Variants in SLC28A1 observed in about 807,000 individuals in gnomAD.
The protein encoded by SLC28A1 is sodium/nucleoside cotransporter 1.
Under a neutral mutation model 74.8 loss-of-function variants are expected in SLC28A1, and 64 were observed. The observed-to-expected ratio is 0.86, with a 90% CI of 0.70 to 1.05. The LOEUF (loss-of-function observed/expected upper bound fraction) is 1.05. Among genes scored for constraint, SLC28A1 ranks in the 50% least tolerant of loss-of-function variants. The pLI is 0.00. For missense variants in SLC28A1, 828 were observed against 822.8 expected, an observed-to-expected ratio of 1.01 and a Z score of -0.08; for synonymous variants, 359 against 335.0, an observed-to-expected ratio of 1.07 and a Z score of -0.78.
rs115647635 is a variant in SLC28A1 at position 84,945,168 on chromosome 15, C to G, written c.1918C>G (p.Arg640Gly). 2 of 1,614,048 alleles carry G rather than the reference C, an allele frequency of 1.2e-6. No individual in the cohort carries two copies. Among genetic ancestry groups the G allele is most frequent in the Admixed American group, 3.3e-5 (2 of 60,020 alleles). The change falls in exon 19 of 19, where the codon CGG becomes GGG. Residue 640 changes from arginine to glycine, a missense_variant. Physicochemically the swap from Arg to Gly is moderately radical, Grantham distance 125. Around this residue, in one of 3 missense-constraint regions of SLC28A1, gnomAD observed 53 missense variants for 44.5 expected, o/e 1.19. Coordinates refer to ENST00000394573, the MANE Select transcript of SLC28A1 (RefSeq NM_004213.5). ...FSPEALDNCC[R>G]FYNHTICAQ ...CCCAGAGGCCCTGGACAACTGCTGT[C>G]GGTTTTACAACCACACGATCTGTGC...
At chr15:84,912,536 C>T (rs900316456) in intron 9 of SLC28A1, among the ~76,000 whole-genome samples, 2 of 152,046 alleles carry the variant, frequency 1.3e-5, no homozygotes, top group Admixed American at 1.3e-4. Context: ...TTAGTCATTC[C>T]ACCTTGGCTC....
intron 9 of SLC28A1, among the ~76,000 whole-genome samples, chr15:84,918,108 T>A (rs187867392): frequency 2.0e-5 from 3 of 151,856 alleles, no homozygotes; most frequent in Non-Finnish European, 4.4e-5. Context: ...AAGGCCAGAG[T>A]CTGAGGCCAA....
intron 15 of SLC28A1, 41 bp from the exon 16 acceptor site, chr15:84,943,404 T>A: frequency 6.8e-7 from 1 of 1,466,472 alleles, no homozygotes. Flanking sequence ...CCCAGGCCCA[T>A]CTGAGGGGAG....
At chr15:84,924,401 G>A (rs1970235748) in intron 12 of SLC28A1, among the ~76,000 whole-genome samples, 1 of 152,038 alleles carries the variant, frequency 6.6e-6, no homozygotes, top group Non-Finnish European at 1.5e-5. Context: ...AGAAAATTGA[G>A]GCTCCAGAGT....
the SLC28A1 span, among the ~76,000 whole-genome samples, chr15:84,951,694 C>T: frequency 6.6e-6 from 1 of 152,122 alleles, no homozygotes; most frequent in South Asian, 2.1e-4. Context: ...CCCATCATCC[C>T]TGCCTGGCAC....
At chr15:84,931,489 A>T (rs1328486191) in intron 12 of SLC28A1, among the ~76,000 whole-genome samples, 3 of 108,944 alleles carry the variant, frequency 2.8e-5, no homozygotes, top group African/African-American at 1.1e-4. Flanking sequence ...TACTGAAAAT[A>T]CAAAAAAAAA....
At chr15:84,895,223 T>A in intron 6 of SLC28A1, 100 bp downstream of exon 6, 1 of 1,580,054 alleles carries the variant, frequency 6.3e-7, no homozygotes, top group Non-Finnish European at 8.7e-7. Flanking sequence ...AGGAAGGCTC[T>A]GTGTCATGGA....
chr15:84,895,201 G>A, intron 6 of SLC28A1, 78 bp downstream of exon 6: 1 of 1,588,324 alleles, frequency 6.3e-7, no homozygotes, highest in Non-Finnish European at 8.6e-7. Context: ...TTATGGCCAG[G>A]GCTGGAGGAG....
chr15:84,960,759 C>T, the SLC28A1 span, among the ~76,000 whole-genome samples: 1 of 152,364 alleles, frequency 6.6e-6, no homozygotes, highest in African/African-American at 2.4e-5. Context: ...CACAGTTCAG[C>T]TTTATCAGCT....
At chr15:84,895,156 G>A (rs1228521614) in intron 6 of SLC28A1, 33 bp downstream of exon 6, 1 of 1,611,964 alleles carries the variant, frequency 6.2e-7, no homozygotes, top group Non-Finnish European at 8.5e-7. Flanking sequence ...GGCAGGGCAG[G>A]GGAGGGCCCA....
At chr15:84,906,944 C>T (rs1967345616) in intron 8 of SLC28A1, among the ~76,000 whole-genome samples, 1 of 152,208 alleles carries the variant, frequency 6.6e-6, no homozygotes. Context: ...GGCAACACCT[C>T]ATTCTATAAA....
intron 13 of SLC28A1, among the ~76,000 whole-genome samples, chr15:84,934,744 T>A (rs957661392): frequency 1.4e-4 from 21 of 152,248 alleles, no homozygotes; most frequent in African/African-American, 4.8e-4. Flanking sequence ...TTTTTGGTAC[T>A]AAATCCTCAG....
At chr15:84,930,254 A>C (rs1391998408) in intron 12 of SLC28A1, among the ~76,000 whole-genome samples, 1 of 152,204 alleles carries the variant, frequency 6.6e-6, no homozygotes, top group African/African-American at 2.4e-5. Flanking sequence ...CAGGTGTGGC[A>C]CCATCCCAGC....
intron 6 of SLC28A1, among the ~76,000 whole-genome samples, chr15:84,903,343 A>T (rs547820356): frequency 7.6e-4 from 116 of 152,236 alleles, no homozygotes; most frequent in Non-Finnish European, 1.3e-3. Context: ...CAGTTATTTA[A>T]CCTCTCTGTG....
At chr15:84,927,092 C>G (rs1171712818) in intron 12 of SLC28A1, among the ~76,000 whole-genome samples, 3 of 152,130 alleles carry the variant, frequency 2.0e-5, no homozygotes, top group African/African-American at 7.2e-5. Context: ...ACCCTCCCAT[C>G]TAGAATTCTA....
chr15:84,926,630 A>C, intron 12 of SLC28A1: 1 of 446,870 alleles, frequency 2.2e-6, no homozygotes, highest in South Asian at 1.6e-5. Flanking sequence ...TGGACAGCCT[A>C]AATGCCCAGC....
intron 9 of SLC28A1, among the ~76,000 whole-genome samples, chr15:84,912,697 G>T (rs1264809738): frequency 6.6e-6 from 1 of 151,998 alleles, no homozygotes; most frequent in African/African-American, 2.4e-5. Context: ...ATTTTCTCTG[G>T]AGGAACCCCT....
At chr15:84,912,861 A>G (rs1968553900) in intron 9 of SLC28A1, among the ~76,000 whole-genome samples, 1 of 150,754 alleles carries the variant, frequency 6.6e-6, no homozygotes, top group African/African-American at 2.5e-5. Context: ...TCAAATAAGG[A>G]CCAAAAGGTA....
chr15:84,972,542 A>G, the SLC28A1 span, among the ~76,000 whole-genome samples: 28 of 152,342 alleles, frequency 1.8e-4, no homozygotes, highest in Admixed American at 1.7e-3. Context: ...AATTGTGTTC[A>G]TTACCATCTT....
Sources: allele counts gnomAD v4.1 joint callset (sites outside exome capture counted in the v4.1 genomes callset), GRCh38; gene constraint gnomAD v4.1.1; regional missense constraint gnomAD v4.1.1; transcripts MANE v1.5; gene names NCBI Gene and HGNC (gene_info 2026-07-23, HGNC 2026-07-21).